The following TMOD1 variants were observed in gnomAD, a reference collection of about 807,000 sequenced individuals.
TMOD1 encodes the protein tropomodulin 1.
TMOD1 carries 17 observed loss-of-function variants against 40.6 expected under a neutral mutation model. The ratio of observed to expected loss-of-function variants is 0.42; its 90% CI spans 0.29 to 0.63. TMOD1 has a LOEUF of 0.63. Ranked by LOEUF, TMOD1 falls within the 20% of genes least tolerant of loss-of-function variation. TMOD1 has a pLI of 0.22. For synonymous variants in TMOD1, 181 were observed against 175.0 expected, an observed-to-expected ratio of 1.03 and a Z score of -0.27; for missense variants, 391 against 447.6, an observed-to-expected ratio of 0.87 and a Z score of 1.14.
chr9:97,598,416 T>C (rs916695304), intron 9 of TMOD1, among the ~76,000 whole-genome samples: 3 of 151,892 alleles, frequency 2.0e-5, no homozygotes, highest in African/African-American at 7.3e-5. Flanking sequence ...TGCCATACTT[T>C]CCTCATCCAT....
rs151295316 is a variant in TMOD1, at chr9:97,569,690, G to T, written c.870+653G>T. Among the ~76,000 whole-genome samples the T allele has an allele frequency of 2.0e-5, 3 of 152,272 alleles. No individual in the cohort carries two copies. In the East Asian group the frequency reaches 5.8e-4, roughly 29 times the overall value. Reference sequence around the variant, plus strand: ...GTGTTGAGAGTGTACTGTGGACCAGGCTCTGAGATACACATCTTACATCCA... The same window carrying T: ...GTGTTGAGAGTGTACTGTGGACCAGTCTCTGAGATACACATCTTACATCCA... On this transcript the variant is annotated intron_variant, in intron 8 of 9. Transcript: ENST00000259365.
intron 8 of TMOD1, among the ~76,000 whole-genome samples, chr9:97,585,939 C>T (rs1171569646): frequency 6.9e-6 from 1 of 144,500 alleles, no homozygotes; most frequent in Non-Finnish European, 1.5e-5. Flanking sequence ...ACTTCTTTGC[C>T]TTTGGTCTGA....
Position 97,546,180 on chromosome 9 carries a change from T to C in TMOD1, c.121-5T>C. Reference sequence around the variant, plus strand: ...TCTCCTGCCCCCCCACAACCTCCAATGTAGAATGCACTGCTGCCTGCAGGC... The same window carrying C: ...TCTCCTGCCCCCCCACAACCTCCAACGTAGAATGCACTGCTGCCTGCAGGC... On this transcript the variant is annotated splice_polypyrimidine_tract_variant and splice_region_variant and intron_variant, in intron 2 of 9. Coordinates refer to ENST00000259365, the MANE Select transcript of TMOD1 (RefSeq NM_003275.4). The C allele has an allele frequency of 6.2e-7, 1 of 1,606,512 alleles. No homozygotes were observed. Among genetic ancestry groups the C allele is most frequent in the South Asian group, 1.1e-5 (1 of 90,180 alleles).
intron 1 of TMOD1, among the ~76,000 whole-genome samples, chr9:97,519,894 T>C (rs1829888783): frequency 6.6e-6 from 1 of 151,936 alleles, no homozygotes; most frequent in East Asian, 1.9e-4. Flanking sequence ...ACTGCACCAG[T>C]CAACCCCAGG....
chr9:97,538,749 C>A (rs1453458880), intron 2 of TMOD1, among the ~76,000 whole-genome samples: 1 of 151,908 alleles, frequency 6.6e-6, no homozygotes, highest in African/African-American at 2.4e-5. Flanking sequence ...GTAATCCCAG[C>A]ACTTTGGGAG....
intron 2 of TMOD1, among the ~76,000 whole-genome samples, chr9:97,527,667 C>T (rs1235618676): frequency 1.3e-5 from 2 of 152,114 alleles, no homozygotes; most frequent in African/African-American, 2.4e-5. Context: ...GCGGCAAGGC[C>T]GACTGACGGG....
intron 1 of TMOD1, among the ~76,000 whole-genome samples, chr9:97,514,057 C>T (rs1829757014): frequency 6.6e-6 from 1 of 151,934 alleles, no homozygotes; most frequent in Admixed American, 6.6e-5. Context: ...TCTGCAGTCA[C>T]TGTCTTAAAT....
In TMOD1 at chr9:97,546,263, C is replaced by G. The variant is rs377402545; in HGVS notation, c.199C>G (p.Leu67Val). The change falls in exon 3 of 10, where the codon CTC becomes GTC. Residue 67 changes from leucine (L) to valine (V), a missense_variant. Leu to Val is a conservative substitution (Grantham distance 32). Transcript: ENST00000259365. ...APTGPFKREE[L>V]LDHLEKQAKE... ...CACGGGCCCCTTTAAAAGAGAGGAG[C>G]TCTTGGATCACTTGGAAAAGCAAGC... The G allele has an allele frequency of 3.2e-5, 51 of 1,614,000 alleles. No homozygotes were observed. The highest frequency in any genetic ancestry group is 4.3e-5 in the Non-Finnish European group (51 of 1,180,036).
At chr9:97,544,874 T>C (rs971777441) in intron 2 of TMOD1, among the ~76,000 whole-genome samples, 1 of 151,892 alleles carries the variant, frequency 6.6e-6, no homozygotes, top group Non-Finnish European at 1.5e-5. Flanking sequence ...CCGGGCGTGG[T>C]GTCAGGCACC....
chr9:97,582,114 A>G (rs992678807), intron 8 of TMOD1, among the ~76,000 whole-genome samples: 1 of 152,124 alleles, frequency 6.6e-6, no homozygotes, highest in Non-Finnish European at 1.5e-5. Flanking sequence ...GTTTTCTTCT[A>G]GGGTTTTTAT....
At chr9:97,505,957 A>G (rs1829584443) in intron 1 of TMOD1, among the ~76,000 whole-genome samples, 1 of 151,986 alleles carries the variant, frequency 6.6e-6, no homozygotes, top group South Asian at 2.1e-4. Flanking sequence ...GGGACTCCCC[A>G]TTTCCTAAGG....
chr9:97,552,113 T>A (rs1023166019), intron 3 of TMOD1, among the ~76,000 whole-genome samples: 2 of 152,236 alleles, frequency 1.3e-5, no homozygotes, highest in African/African-American at 4.8e-5. Flanking sequence ...TAAGATTATG[T>A]CTTCTACAAA....
chr9:97,587,687 A>G (rs955527542), intron 8 of TMOD1, among the ~76,000 whole-genome samples: 1 of 152,162 alleles, frequency 6.6e-6, no homozygotes, highest in Non-Finnish European at 1.5e-5. Flanking sequence ...CATCACCACT[A>G]TCTAATTCTA....
intron 2 of TMOD1, among the ~76,000 whole-genome samples, chr9:97,525,074 A>G (rs1193268757): frequency 6.6e-6 from 1 of 150,546 alleles, no homozygotes; most frequent in Non-Finnish European, 1.5e-5. Context: ...ACCATACTTA[A>G]TTTCCAAATA....
intron 2 of TMOD1, among the ~76,000 whole-genome samples, chr9:97,540,237 G>T (rs1169499145): frequency 6.6e-6 from 1 of 152,110 alleles, no homozygotes; most frequent in Non-Finnish European, 1.5e-5. Flanking sequence ...ACTTATTTTT[G>T]CACAATTCCG....
rs182349430 is a variant in TMOD1, at chr9:97,526,417, C to T, written c.120+2109C>T. Among the ~76,000 whole-genome samples, 112 of 152,206 alleles carry T rather than the reference C, an allele frequency of 7.4e-4. 1 individual carries two copies. Among genetic ancestry groups the T allele is most frequent in the African/African-American group, 2.6e-3 (106 of 41,524 alleles). On this transcript the variant is annotated intron_variant, in intron 2 of 9. Transcript: ENST00000259365. ...CTGTGAGCATGGGCATAGAGGGGTTCGTAGGTGGCCTCCTAGACAAGGGTC... is the reference window on the plus strand; with the variant it reads ...CTGTGAGCATGGGCATAGAGGGGTTTGTAGGTGGCCTCCTAGACAAGGGTC...
Position 97,531,040 on chromosome 9 carries a change from C to CG in TMOD1, c.120+6732_120+6733insG, listed in dbSNP as rs1023108689. ...TGACCTTAGGTGATCCACACCCACCCCCCCCACCACCCCTTGGCCTCCCAA... is the reference window on the plus strand; with the variant it reads ...TGACCTTAGGTGATCCACACCCACCCGCCCCCACCACCCCTTGGCCTCCCAA... On this transcript the variant is annotated intron_variant, in intron 2 of 9. Transcript: ENST00000259365. Among the ~76,000 whole-genome samples, 17 of 135,394 alleles carry CG rather than the reference C, an allele frequency of 1.3e-4. 2 individuals carry two copies. The highest frequency in any genetic ancestry group is 2.6e-4 in the Non-Finnish European group (16 of 60,764). The allele number at this position is 135,394 out of a possible 152,430, so 88.8% of individuals were successfully genotyped here.
In TMOD1 at chr9:97,513,767, A is replaced by C. The variant is rs1829747049; in HGVS notation, c.-48-10374A>C. The C allele has an allele frequency of 6.6e-6, 1 of 152,256 alleles. No individual in the cohort carries two copies. The highest frequency in any genetic ancestry group is 2.4e-5 in the African/African-American group (1 of 41,464). The allele number at this position is 152,256 out of a possible 1,614,324, so 9.4% of individuals were successfully genotyped here. ...GCTCAAGGTCATATGGCAGGTCCTC[A>C]ACTAAAGTCAGGACTTGTAACCAGG... On this transcript the variant is annotated intron_variant, in intron 1 of 9. Transcript: ENST00000259365. This position sits in a 1 kb window ranked among gnomAD's most constrained non-coding sequence, Gnocchi z 4.1.
chr9:97,572,529 G>GC (rs1414627479), intron 8 of TMOD1, among the ~76,000 whole-genome samples: 1 of 152,174 alleles, frequency 6.6e-6, no homozygotes. Context: ...CAGGGAGGGG[G>GC]CTCTGCTGAC....
Sources: gnomAD v4.1 joint callset for allele counts (sites outside exome capture counted in the v4.1 genomes callset) on GRCh38, gnomAD v4.1.1 for gene constraint, Gnocchi (gnomAD v3.1) non-coding constraint, MANE v1.5 for transcripts, NCBI Gene and HGNC (gene_info 2026-07-23, HGNC 2026-07-21) for gene names.